The following PIR variants were observed in gnomAD, a reference collection of about 807,000 sequenced individuals.
PIR encodes pirin (iron-binding nuclear protein).
PIR carries 22 observed loss-of-function variants against 24.2 expected under a neutral mutation model. The observed-to-expected ratio is 0.91, with a 90% CI of 0.65 to 1.30. The LOEUF (loss-of-function observed/expected upper bound fraction) is 1.30. PIR is among the 50% of genes most tolerant of loss of function. The pLI is 0.00. For synonymous variants in PIR, 80 were observed against 79.6 expected (o/e 1.00, Z -0.03); for missense variants, 220 against 220.3 (o/e 1.00, Z 0.01).
At chrX:15,404,100 A>G (rs1924482524) in intron 7 of PIR, among the ~76,000 whole-genome samples, 1 of 109,994 alleles carries the variant, frequency 9.1e-6, no homozygotes, top group African/African-American at 3.3e-5. Flanking sequence ...TCCGGGTTCA[A>G]GTGATTCTCC....
intron 2 of PIR, 78 bp downstream of exon 2, chrX:15,491,084 C>G (rs1345880057): frequency 2.1e-5 from 15 of 714,401 alleles, no homozygotes; most frequent in Non-Finnish European, 3.0e-5. Context: ...TCTTGGCCCC[C>G]TCTTCCCAAA....
chrX:15,412,448 A>G (rs1333879308), intron 6 of PIR, among the ~76,000 whole-genome samples: 1 of 112,178 alleles, frequency 8.9e-6, no homozygotes, highest in East Asian at 2.8e-4. Context: ...AGCACAAAGG[A>G]TGAAATAATG....
chrX:15,393,777 G>A (rs368520437), intron 8 of PIR, among the ~76,000 whole-genome samples: 2 of 105,428 alleles, frequency 1.9e-5, no homozygotes, highest in South Asian at 4.5e-4. Context: ...AACAAATTCA[G>A]GGCTCCTACT....
At chrX:15,408,689 C>G (rs570688699) in intron 6 of PIR, among the ~76,000 whole-genome samples, 4 of 111,677 alleles carry the variant, frequency 3.6e-5, no homozygotes, top group African/African-American at 1.3e-4. Context: ...CCTCCATGTG[C>G]CTTCAGTGGA....
intron 7 of PIR, among the ~76,000 whole-genome samples, chrX:15,404,966 C>T (rs1924509171): frequency 9.0e-6 from 1 of 111,080 alleles, no homozygotes; most frequent in Admixed American, 9.6e-5. Context: ...TGCACTGTGG[C>T]CCATGGTCAC....
At chrX:15,409,300 T>C (rs1464258969) in intron 6 of PIR, among the ~76,000 whole-genome samples, 1 of 107,138 alleles carries the variant, frequency 9.3e-6, no homozygotes, top group Non-Finnish European at 1.9e-5. Context: ...GGTTTCACCA[T>C]GTTAGCCAGG....
intron 2 of PIR, among the ~76,000 whole-genome samples, chrX:15,481,060 TC>T (rs1922474922): frequency 8.9e-6 from 1 of 112,569 alleles, no homozygotes; most frequent in South Asian, 3.6e-4. Context: ...ATTAACTGAC[TC>T]CCAAATTTTT....
intron 2 of PIR, among the ~76,000 whole-genome samples, chrX:15,485,523 T>G (rs778540749): frequency 8.0e-5 from 9 of 112,144 alleles, no homozygotes; most frequent in African/African-American, 2.6e-4. Flanking sequence ...CAGTACTATT[T>G]GTCATATTTA....
At chrX:15,483,424 T>C (rs956066817) in intron 2 of PIR, among the ~76,000 whole-genome samples, 2 of 111,356 alleles carry the variant, frequency 1.8e-5, no homozygotes, top group African/African-American at 6.5e-5. Context: ...TCCATGTATA[T>C]ATCTGTCTCC....
chrX:15,428,436 C>T (rs1027358729), intron 5 of PIR, among the ~76,000 whole-genome samples: 3 of 111,743 alleles, frequency 2.7e-5, no homozygotes, highest in African/African-American at 9.8e-5. Context: ...GATAAAGATC[C>T]CTGTTTGGTT....
intron 3 of PIR, among the ~76,000 whole-genome samples, chrX:15,462,878 A>G (rs1921369535): frequency 8.9e-6 from 1 of 112,222 alleles, no homozygotes; most frequent in South Asian, 3.7e-4. Flanking sequence ...AAGTCCTATA[A>G]TGTCCTAGGT....
At chrX:15,409,790 AC>A (rs1279639636) in intron 6 of PIR, among the ~76,000 whole-genome samples, 1 of 112,194 alleles carries the variant, frequency 8.9e-6, no homozygotes, top group Non-Finnish European at 1.9e-5. Flanking sequence ...TTATAAAAAA[AC>A]ACATTAATTT....
chrX:15,410,067 A>G (rs747159252), intron 6 of PIR, among the ~76,000 whole-genome samples: 1 of 111,155 alleles, frequency 9.0e-6, no homozygotes, highest in South Asian at 3.8e-4. Context: ...CCTGGCCAAC[A>G]TGGTGAAACC....
intron 3 of PIR, among the ~76,000 whole-genome samples, chrX:15,462,262 G>A (rs1443333388): frequency 8.9e-6 from 1 of 112,020 alleles, no homozygotes; most frequent in African/African-American, 3.2e-5. Context: ...CAGGAACACG[G>A]CAACATTGTT....
Position 15,407,529 on chromosome X carries a change from G to A in PIR, c.587C>T (p.Thr196Met), listed in dbSNP as rs200350682. The change falls in exon 7 of 10, where the codon ACG becomes ATG. Residue 196 changes from threonine (T) to methionine (M), a missense_variant. Thr to Met is a moderately conservative substitution (Grantham distance 81). Coordinates refer to ENST00000380420, the MANE Select transcript of PIR (RefSeq NM_001018109.3). Reference protein sequence around the residue: ...IPKGWTSFIYTISGDVYIGPD... With the variant: ...IPKGWTSFIYMISGDVYIGPD... ...ACCAATATACACATCTCCAGATATC[G>A]TGTAAATGAAGCTTGTCCACCCTGG... 128 of 1,200,965 alleles carry A rather than the reference G, an allele frequency of 1.1e-4. No individual in the cohort carries two copies. The South Asian group carries it at 1.3e-3, about 12-fold the overall frequency.
At chrX:15,398,118 G>C (rs1924237275) in intron 7 of PIR, among the ~76,000 whole-genome samples, 2 of 109,884 alleles carry the variant, frequency 1.8e-5, no homozygotes, top group East Asian at 2.8e-4. Flanking sequence ...TAGGGGGGAG[G>C]GATAGCATTA....
At chrX:15,475,750 A>G (rs942123624) in intron 3 of PIR, among the ~76,000 whole-genome samples, 17 of 111,819 alleles carry the variant, frequency 1.5e-4, no homozygotes, top group African/African-American at 5.2e-4. Flanking sequence ...CTGACCAGAA[A>G]CAGGGTAAAT....
intron 5 of PIR, among the ~76,000 whole-genome samples, chrX:15,449,089 C>T (rs1174938187): frequency 1.8e-5 from 2 of 111,899 alleles, no homozygotes; most frequent in African/African-American, 6.5e-5. Context: ...GACAGAATGG[C>T]TGTGTGAATC....
In PIR at chrX:15,398,361, C is replaced by T. The variant is rs546439797; in HGVS notation, c.611-830G>A. On this transcript the variant is annotated intron_variant, in intron 7 of 9. Coordinates refer to ENST00000380420, the MANE Select transcript of PIR (RefSeq NM_001018109.3). ...AAATGAAAGTGTCTCTTAAAGGCAACGATAAATTCATAAGCAAAGTTCAAT... is the reference window on the plus strand; with the variant it reads ...AAATGAAAGTGTCTCTTAAAGGCAATGATAAATTCATAAGCAAAGTTCAAT... Among the ~76,000 whole-genome samples, 4 of 111,598 alleles carry T rather than the reference C, an allele frequency of 3.6e-5. No individual in the cohort carries two copies. In the South Asian group the frequency reaches 1.1e-3, roughly 31 times the overall value.
Sources: gnomAD v4.1 joint callset for allele counts (sites outside exome capture counted in the v4.1 genomes callset) on GRCh38, gnomAD v4.1.1 for gene constraint, MANE v1.5 for transcripts, NCBI Gene and HGNC (gene_info 2026-07-23, HGNC 2026-07-21) for gene names.